Variants in ARHGEF18 observed in about 807,000 individuals in gnomAD.
ARHGEF18 encodes Rho/Rac guanine nucleotide exchange factor 18.
A neutral mutation model predicts 155.7 loss-of-function variants in ARHGEF18; 93 were observed. That is an observed-to-expected ratio of 0.60 (90% CI 0.50 to 0.71). The LOEUF is 0.71. Among genes scored for constraint, ARHGEF18 ranks in the 30% least tolerant of loss-of-function variants. The pLI is 0.00. For synonymous variants in ARHGEF18, 742 were observed against 753.1 expected, an observed-to-expected ratio of 0.99 and a Z score of 0.24; for missense variants, 1,593 against 1,816.1, an observed-to-expected ratio of 0.88 and a Z score of 2.23.
Position 7,463,964 on chromosome 19 carries a change from G to C in ARHGEF18, c.2773+9G>C, listed in dbSNP as rs200203459. 1.3e-6 allele frequency: 2 copies of C among 1,572,320 alleles called. No homozygotes were observed. The highest frequency in any genetic ancestry group is 1.2e-5 in the South Asian group (1 of 86,458). ...AAACAGCCCCACCAAGAGTAAGAGCGGGGCCGTCTCCCCTCCTGCCTCCAG... is the reference window on the plus strand; with the variant it reads ...AAACAGCCCCACCAAGAGTAAGAGCCGGGCCGTCTCCCCTCCTGCCTCCAG... On this transcript the variant is annotated intron_variant, in intron 22 of 28. Transcript: ENST00000668164. This position sits in a 1 kb window ranked among gnomAD's most constrained non-coding sequence, Gnocchi z 5.2.
chr19:7,425,300 A>G (rs975665429), intron 10 of ARHGEF18, among the ~76,000 whole-genome samples: 1 of 152,050 alleles, frequency 6.6e-6, no homozygotes, highest in Non-Finnish European at 1.5e-5. Flanking sequence ...GGTCTTACAC[A>G]TTTAGAGAAA....
chr19:7,397,711 C>G (rs146311693), intron 10 of ARHGEF18, among the ~76,000 whole-genome samples: 3,770 of 149,898 alleles, frequency 0.025, 130 homozygotes, highest in African/African-American at 0.074. Flanking sequence ...CCAGCCTGGG[C>G]AACAGAACGA....
chr19:7,397,506 G>T (rs112634049), intron 10 of ARHGEF18, among the ~76,000 whole-genome samples: 10 of 151,930 alleles, frequency 6.6e-5, no homozygotes, highest in South Asian at 2.1e-4. Flanking sequence ...CCCGGGGGGG[G>T]GCAGATCACG....
chr19:7,386,786 G>T (rs906681716), intron 10 of ARHGEF18, among the ~76,000 whole-genome samples: 5 of 152,050 alleles, frequency 3.3e-5, no homozygotes, highest in African/African-American at 1.2e-4. Context: ...TGAGCTTGCT[G>T]TCTGCAAATC....
intron 2 of ARHGEF18, among the ~76,000 whole-genome samples, chr19:7,371,624 C>T (rs983136132): frequency 6.6e-6 from 1 of 152,052 alleles, no homozygotes; most frequent in Admixed American, 6.6e-5. Context: ...AGTTCGAGAC[C>T]AACCCGGCCA....
chr19:7,396,453 C>T (rs936065088), intron 10 of ARHGEF18, among the ~76,000 whole-genome samples: 12 of 152,236 alleles, frequency 7.9e-5, no homozygotes, highest in African/African-American at 2.9e-4. Context: ...CGCGGTGGCT[C>T]AAGCCTGTAA....
rs183304821 is a variant in ARHGEF18 at position 7,418,149 on chromosome 19, T to G, written c.968-22195T>G. Among the ~76,000 whole-genome samples, 269 of 152,260 alleles carry G rather than the reference T, an allele frequency of 1.8e-3. 1 individual carries two copies. The highest frequency in any genetic ancestry group is 3.0e-3 in the Non-Finnish European group (206 of 68,026). On this transcript the variant is annotated intron_variant, in intron 10 of 28. Coordinates refer to ENST00000668164, the MANE Select transcript of ARHGEF18 (RefSeq NM_001367823.1). ...CGGAGGAAGTGAATGGTAGTACAAA[T>G]AGTCAAGGAAAGTATTTGCTTTGTG...
Position 7,383,405 on chromosome 19 carries a change from C to T in ARHGEF18, c.967+202C>T, listed in dbSNP as rs561272486. 1.1e-5 allele frequency: 5 copies of T among 452,662 alleles called. No individual in the cohort carries two copies. The Admixed American group carries it at 1.3e-4, about 12-fold the overall frequency. 28.0% of individuals were successfully genotyped at this position (452,662 alleles called of 1,614,324 possible). On this transcript the variant is annotated intron_variant, in intron 10 of 28. Transcript: ENST00000668164. ...GGCTAACTCGGGACTGGCAACAGTC[C>T]CTTTAAGTCTCAGCTTTTGCGATTG...
At position 7,462,441 on chromosome 19, in the gene ARHGEF18, C is replaced by A; in HGVS notation, c.2635+107C>A. ...ATTGTGGCCGACACGGCACCCTGTC[C>A]AGGACAGGCTTCTATGTGGGGGGGG... On this transcript the variant is annotated intron_variant, in intron 21 of 28. Coordinates refer to ENST00000668164, the MANE Select transcript of ARHGEF18 (RefSeq NM_001367823.1). The surrounding 1 kb of genome is among the most constrained non-coding windows in gnomAD (Gnocchi z 4.4). The A allele has an allele frequency of 7.7e-7, 1 of 1,292,622 alleles. No homozygotes were observed. Among genetic ancestry groups the A allele is most frequent in the Non-Finnish European group, 1.0e-6 (1 of 989,056 alleles). The allele number at this position is 1,292,622 out of a possible 1,614,324, so 80.1% of individuals were successfully genotyped here.
In ARHGEF18 at chr19:7,451,276, C is replaced by T. The variant is rs1600494053; in HGVS notation, c.1855+10C>T. Reference sequence around the variant, plus strand: ...ATCCAGAACACGGAAGGTAGGCCTTCTCCCCACTGCCCCGCCCGCCCGTGC... The same window carrying T: ...ATCCAGAACACGGAAGGTAGGCCTTTTCCCCACTGCCCCGCCCGCCCGTGC... On this transcript the variant is annotated intron_variant, in intron 16 of 28. Transcript: ENST00000668164. 6.2e-7 allele frequency: 1 copy of T among 1,612,136 alleles called. No homozygotes were observed. Among genetic ancestry groups the T allele is most frequent in the East Asian group, 2.2e-5 (1 of 44,866 alleles).
chr19:7,362,002 AAG>A (rs1491482218), intron 1 of ARHGEF18, among the ~76,000 whole-genome samples: 84 of 50,338 alleles, frequency 1.7e-3, no homozygotes, highest in African/African-American at 8.6e-3. Context: ...GAAGAAGAAG[AAG>A]AAGAAGAAGA....
rs1976002839 is a variant in ARHGEF18 at position 7,458,643 on chromosome 19, A to G, written c.2313A>G (p.Lys771=). 1.2e-6 allele frequency: 2 copies of G among 1,614,066 alleles called. No homozygotes were observed. Among genetic ancestry groups the G allele is most frequent in the African/African-American group, 1.3e-5 (1 of 74,948 alleles). The change falls in exon 19 of 29, where the codon AAA becomes AAG. Residue 771 remains lysine, a synonymous_variant. Transcript: ENST00000668164. ...TGTATGAAATCTACACGAGCTCCAA[A>G]GAGGACAGGAACGCCTGGATGGCCC... ...PEMYEIYTSS[K]EDRNAWMAHI...
intron 10 of ARHGEF18, among the ~76,000 whole-genome samples, chr19:7,415,065 T>A (rs1017086513): frequency 6.6e-6 from 1 of 152,076 alleles, no homozygotes; most frequent in Non-Finnish European, 1.5e-5. Context: ...AACTGTGTTC[T>A]CCCCTCCCCC....
intron 2 of ARHGEF18, among the ~76,000 whole-genome samples, chr19:7,365,946 A>C (rs1190567766): frequency 6.6e-6 from 1 of 151,826 alleles, no homozygotes; most frequent in Non-Finnish European, 1.5e-5. Context: ...CAAGCTGAAC[A>C]CATATGTATT....
chr19:7,465,408 CT>C lies in ARHGEF18; in HGVS notation c.2904+735del, dbSNP rs397859513. 4.4e-3 allele frequency among the ~76,000 whole-genome samples: 593 copies of C among 133,896 alleles called. 2 individuals carry two copies. The highest frequency in any genetic ancestry group is 0.013 in the East Asian group (57 of 4,538). The allele number at this position is 133,896 out of a possible 152,430, so 87.8% of individuals were successfully genotyped here. On this transcript the variant is annotated intron_variant, in intron 23 of 28. Coordinates refer to ENST00000668164, the MANE Select transcript of ARHGEF18 (RefSeq NM_001367823.1). The stretch of plus-strand genomic sequence containing the variant: ...TTGGGAGACCGAGGTGGGAGGATCA[CT>C]TTTTTTTTTTTTTTTTGGAGACAAG...
At chr19:7,412,615 G>A (rs540143348) in intron 10 of ARHGEF18, among the ~76,000 whole-genome samples, 2 of 151,680 alleles carry the variant, frequency 1.3e-5, no homozygotes, top group East Asian at 2.0e-4. Context: ...GGTGGCAGGC[G>A]CCTGTAATCC....
downstream of ARHGEF18, among the ~76,000 whole-genome samples, chr19:7,475,270 C>G (rs1977202818): frequency 6.6e-6 from 1 of 152,116 alleles, no homozygotes; most frequent in Non-Finnish European, 1.5e-5. Flanking sequence ...ACAAAGGGGT[C>G]TGTTCCCAGC....
At chr19:7,397,495 GC>G (rs774689782) in intron 10 of ARHGEF18, among the ~76,000 whole-genome samples, 7 of 146,496 alleles carry the variant, frequency 4.8e-5, no homozygotes, top group Non-Finnish European at 8.9e-5. Context: ...ACTTTGGGAG[GC>G]CCGGGGGGGG....
intron 14 of ARHGEF18, 111 bp from the exon 15 acceptor site, chr19:7,446,932 G>T: frequency 2.4e-6 from 3 of 1,263,212 alleles, no homozygotes; most frequent in Non-Finnish European, 3.2e-6. Flanking sequence ...GAAAGAAAAT[G>T]GAATTGCAAA....
Sources: gnomAD v4.1 joint callset for allele counts (sites outside exome capture counted in the v4.1 genomes callset) on GRCh38, gnomAD v4.1.1 for gene constraint, Gnocchi (gnomAD v3.1) non-coding constraint, MANE v1.5 for transcripts, NCBI Gene and HGNC (gene_info 2026-07-23, HGNC 2026-07-21) for gene names.